Variants in AHR observed in about 807,000 individuals in gnomAD.
AHR encodes the protein AH-receptor.
In AHR, 40 loss-of-function variants were observed where a neutral mutation model predicts 86.8. The observed-to-expected ratio is 0.46, with a 90% CI of 0.36 to 0.60. The LOEUF (loss-of-function observed/expected upper bound fraction) is 0.60. Ranked by LOEUF, AHR falls within the 20% of genes least tolerant of loss-of-function variation. The pLI is 0.00. For missense variants in AHR, 1,001 were observed against 1,011.6 expected (o/e 0.99, Z 0.14); for synonymous variants, 398 against 354.9 (o/e 1.12, Z -1.37).
At position 17,298,941 on chromosome 7, in the gene AHR, C is replaced by A; in HGVS notation, c.-324C>A. 2 of 434,546 alleles carry A rather than the reference C, an allele frequency of 4.6e-6. No homozygotes were observed. Among genetic ancestry groups the A allele is most frequent in the Non-Finnish European group, 8.0e-6 (2 of 249,324 alleles). The allele number at this position is 434,546 out of a possible 1,614,324, so 26.9% of individuals were successfully genotyped here. On this transcript the variant is annotated 5_prime_UTR_variant, in exon 1 of 11. Transcript: ENST00000242057. ...GGCCCAGGCTCCTCCTCCGCCCGGGCCGCCTCACCTGCGGGCATTGCCGCG... is the reference window on the plus strand; with the variant it reads ...GGCCCAGGCTCCTCCTCCGCCCGGGACGCCTCACCTGCGGGCATTGCCGCG...
rs747691956 is a variant in AHR at position 17,339,367 on chromosome 7, T to C, written c.1542T>C (p.Ile514=). The change falls in exon 10 of 11, where the codon ATT becomes ATC. Residue 514 remains isoleucine (I), a synonymous_variant. Coordinates refer to ENST00000242057, the MANE Select transcript of AHR (RefSeq NM_001621.5). ...GNDTILKHEQ[I]DQPQDVNSFA... ...ATACTATCCTGAAACATGAGCAAAT[T>C]GACCAGCCTCAGGATGTGAACTCAT... 11 of 1,614,076 alleles carry C rather than the reference T, an allele frequency of 6.8e-6. No homozygotes were observed. In the South Asian group the frequency reaches 1.1e-4, roughly 16 times the overall value.
chr7:17,301,036 C>T (rs1195154501), intron 1 of AHR, among the ~76,000 whole-genome samples: 2 of 151,872 alleles, frequency 1.3e-5, no homozygotes, highest in African/African-American at 4.8e-5. Flanking sequence ...TTAGATTATC[C>T]TAATATTATA....
At chr7:17,329,001 T>C (rs187255459) in intron 4 of AHR, among the ~76,000 whole-genome samples, 113 of 152,078 alleles carry the variant, frequency 7.4e-4, no homozygotes, top group African/African-American at 2.6e-3. Flanking sequence ...TATATAACTG[T>C]CTTAATCAGG....
At chr7:17,300,086 A>G (rs1166787857) in intron 1 of AHR, among the ~76,000 whole-genome samples, 1 of 152,208 alleles carries the variant, frequency 6.6e-6, no homozygotes, top group East Asian at 1.9e-4. Context: ...TTCATTCTTA[A>G]CATCTACCTC....
intron 3 of AHR, among the ~76,000 whole-genome samples, chr7:17,326,766 TGACTACA>T (rs1322574536): frequency 6.6e-6 from 1 of 152,134 alleles, no homozygotes. Flanking sequence ...CAAATCTGTC[TGACTACA>T]CAGTACAATT....
intron 2 of AHR, among the ~76,000 whole-genome samples, chr7:17,313,679 C>T (rs916754335): frequency 6.6e-6 from 1 of 152,038 alleles, no homozygotes; most frequent in African/African-American, 2.4e-5. Flanking sequence ...AATACTTGAA[C>T]AAGGCTTAGC....
intron 6 of AHR, among the ~76,000 whole-genome samples, chr7:17,332,434 G>T (rs1438831623): frequency 4.6e-5 from 7 of 151,746 alleles, no homozygotes; most frequent in African/African-American, 1.7e-4. Flanking sequence ...GCATGTTATT[G>T]CCCCCGCAGA....
Position 17,342,919 on chromosome 7 carries a change from A to T in AHR, c.2404-2A>T, listed in dbSNP as rs1313974193. ...AAGTTGCATCACCATTTTTGTTTTC[A>T]GTTTCAGAATGGAGTTTTAAATGAA... On this transcript the variant is annotated splice_acceptor_variant, in intron 10 of 10. Coordinates refer to ENST00000242057, the MANE Select transcript of AHR (RefSeq NM_001621.5). LOFTEE classifies it high-confidence loss of function. 6.2e-7 allele frequency: 1 copy of T among 1,610,302 alleles called. No homozygotes were observed. Among genetic ancestry groups the T allele is most frequent in the African/African-American group, 1.3e-5 (1 of 74,836 alleles).
In AHR at chr7:17,337,081, T is replaced by C. The variant is rs146436164; in HGVS notation, c.1160+1295T>C. On this transcript the variant is annotated intron_variant, in intron 9 of 10. Transcript: ENST00000242057. Reference sequence around the variant, plus strand: ...TTAATTGAAAATACTGGCTAATTTGTTTTTATTTTTATTCATGAATTATTT... The same window carrying C: ...TTAATTGAAAATACTGGCTAATTTGCTTTTATTTTTATTCATGAATTATTT... Among the ~76,000 whole-genome samples the C allele has an allele frequency of 2.2e-3, 329 of 152,238 alleles. 2 individuals carry two copies. Among genetic ancestry groups the C allele is most frequent in the African/African-American group, 7.3e-3 (304 of 41,550 alleles).
At chr7:17,329,806 T>A in intron 4 of AHR, 146 bp from the exon 5 acceptor site, 1 of 672,960 alleles carries the variant, frequency 1.5e-6, no homozygotes, top group Non-Finnish European at 2.3e-6. Context: ...GGTTCTATCT[T>A]AGGTGACTAG....
intron 1 of AHR, among the ~76,000 whole-genome samples, chr7:17,309,734 T>G (rs1185838402): frequency 6.6e-6 from 1 of 152,224 alleles, no homozygotes; most frequent in Non-Finnish European, 1.5e-5. Flanking sequence ...AGCTTTTTAA[T>G]GAAATATTCG....
At position 17,327,820 on chromosome 7, in the gene AHR, C is replaced by A; in HGVS notation, c.422C>A (p.Thr141Asn). Residue 141 changes from threonine to asparagine, a missense_variant, in exon 4 of 11, where the codon ACT (threonine) becomes AAT (asparagine). Physicochemically the swap from Thr to Asn is moderately conservative, Grantham distance 65. Transcript: ENST00000242057. ...GCTTTGGTCTTTTATGCTTCTTCTA[C>A]TATACAAGATTATCTAGGGTTTCAG... is the stretch of plus-strand genomic sequence containing the variant. ...TDALVFYASS[T>N]IQDYLGFQQS... 1 of 1,565,342 alleles carries A rather than the reference C, an allele frequency of 6.4e-7. No individual in the cohort carries two copies. Among genetic ancestry groups the A allele is most frequent in the South Asian group, 1.2e-5 (1 of 83,832 alleles).
chr7:17,317,887 A>G (rs1782131893), intron 2 of AHR, among the ~76,000 whole-genome samples: 1 of 152,138 alleles, frequency 6.6e-6, no homozygotes, highest in African/African-American at 2.4e-5. Context: ...AGGTCAATTA[A>G]CTGCTCTTGT....
At chr7:17,324,656 G>A (rs1782209448) in intron 3 of AHR, among the ~76,000 whole-genome samples, 1 of 152,058 alleles carries the variant, frequency 6.6e-6, no homozygotes, top group African/African-American at 2.4e-5. Flanking sequence ...CAAAAAATTA[G>A]CTGGGTGTGG....
In AHR at chr7:17,339,714, T is replaced by C. The variant is rs1782398060; in HGVS notation, c.1889T>C (p.Val630Ala). 3 of 1,614,014 alleles carry C rather than the reference T, an allele frequency of 1.9e-6. No homozygotes were observed. Among genetic ancestry groups the C allele is most frequent in the Non-Finnish European group, 2.5e-6 (3 of 1,179,980 alleles). ...EQQQQHHQKQ[V>A]VVEPQQQLCQ... ...CAACAGCAACATCACCAAAAGCAAG[T>C]AGTAGTGGAGCCACAGCAACAGCTG... The change falls in exon 10 of 11, where the codon GTA becomes GCA. Residue 630 changes from valine to alanine, a missense_variant. Transcript: ENST00000242057.
At chr7:17,311,613 A>G (rs1562475388) in intron 2 of AHR, among the ~76,000 whole-genome samples, 2 of 152,196 alleles carry the variant, frequency 1.3e-5, no homozygotes, top group African/African-American at 4.8e-5. Flanking sequence ...GGTCTGGGCA[A>G]TATACAGATT....
Position 17,330,037 on chromosome 7 carries a change from A to G in AHR, c.536A>G (p.Asn179Ser), listed in dbSNP as rs1243859207. 1 of 1,611,246 alleles carries G rather than the reference A, an allele frequency of 6.2e-7. No homozygotes were observed. Among genetic ancestry groups the G allele is most frequent in the African/African-American group, 1.3e-5 (1 of 74,784 alleles). ...EFQRQLHWAL[N>S]PSQCTESGQG... ...CAGCGTCAGCTACACTGGGCATTAA[A>G]TCCTTCTCAGTGTACAGAGTCTGGA... Residue 179 changes from asparagine (N) to serine (S), a missense_variant, in exon 5 of 11, where the codon AAT becomes AGT. Physicochemically the swap from Asn to Ser is conservative, Grantham distance 46. Around this residue, in one of 2 missense-constraint regions of AHR, gnomAD observed 394 missense variants for 468.5 expected, o/e 0.84. Coordinates refer to ENST00000242057, the MANE Select transcript of AHR (RefSeq NM_001621.5).
At chr7:17,314,632 C>T (rs182424492) in intron 2 of AHR, among the ~76,000 whole-genome samples, 1 of 151,988 alleles carries the variant, frequency 6.6e-6, no homozygotes, top group Non-Finnish European at 1.5e-5. Context: ...TAGATCAGAA[C>T]ATTATTCTTG....
chr7:17,340,190 A>G lies in AHR; in HGVS notation c.2365A>G (p.Asn789Asp). 6.2e-7 allele frequency: 1 copy of G among 1,613,166 alleles called. No individual in the cohort carries two copies. The highest frequency in any genetic ancestry group is 1.1e-5 in the South Asian group (1 of 90,908). ...CACCCACGTGGGTCAGATGCAGTAC[A>G]ATCCAGTACTGCCAGGCCAACAGGC... ...QHTHVGQMQY[N>D]PVLPGQQAFL... is the part of the protein sequence containing the mutation. Residue 789 changes from asparagine (N) to aspartate (D), a missense_variant, in exon 10 of 11, where the codon AAT (asparagine) becomes GAT (aspartate). Transcript: ENST00000242057.
Sources: allele counts gnomAD v4.1 joint callset (sites outside exome capture counted in the v4.1 genomes callset), GRCh38; gene constraint gnomAD v4.1.1; regional missense constraint gnomAD v4.1.1; transcripts MANE v1.5; gene names NCBI Gene and HGNC (gene_info 2026-07-23, HGNC 2026-07-21).